FAT3: variants seen among roughly 807,000 people sequenced by gnomAD.
FAT3 encodes protocadherin Fat 3.
A neutral mutation model predicts 310.2 loss-of-function variants in FAT3; 95 were observed. The ratio of observed to expected loss-of-function variants is 0.31; its 90% CI spans 0.26 to 0.36. FAT3 has a LOEUF of 0.36. Ranked by LOEUF, FAT3 falls within the 10% of genes least tolerant of loss-of-function variation. The pLI is 1.00. For missense variants in FAT3, 5,408 were observed against 5,715.6 expected, an observed-to-expected ratio of 0.95 and a Z score of 1.74; for synonymous variants, 2,314 against 2,192.9, an observed-to-expected ratio of 1.06 and a Z score of -1.54.
At chr11:92,312,559 C>T (rs1947336633) in intron 1 of FAT3, among the ~76,000 whole-genome samples, 2 of 152,192 alleles carry the variant, frequency 1.3e-5, no homozygotes, top group South Asian at 4.1e-4. Context: ...TAGTAAACAG[C>T]TGTCCTAGAA....
At chr11:92,830,169 C>T (rs1358111272) in intron 13 of FAT3, among the ~76,000 whole-genome samples, 1 of 152,156 alleles carries the variant, frequency 6.6e-6, no homozygotes, top group African/African-American at 2.4e-5. Context: ...AAAGCTGTTA[C>T]AATTTACTTC....
intron 2 of FAT3, among the ~76,000 whole-genome samples, chr11:92,507,982 A>G (rs891003974): frequency 1.2e-4 from 19 of 152,132 alleles, no homozygotes; most frequent in Non-Finnish European, 2.2e-4. Flanking sequence ...GATTTAACCT[A>G]AAAGGATGAA....
chr11:92,425,666 G>A lies in FAT3; in HGVS notation c.3292+70262G>A, dbSNP rs550537337. On this transcript the variant is annotated intron_variant, in intron 2 of 27. Coordinates refer to ENST00000525166, the MANE Select transcript of FAT3 (RefSeq NM_001367949.2). ...TTTTCTGTTCCTGTGTTAGTTTGCC[G>A]AGAATGGTGGTTTCCGACTTTATCT... 3.0e-4 allele frequency among the ~76,000 whole-genome samples: 46 copies of A among 152,168 alleles called. No homozygotes were observed. The South Asian group carries it at 8.7e-3, about 29-fold the overall frequency.
At chr11:92,810,573 A>T (rs1329664518) in intron 13 of FAT3, among the ~76,000 whole-genome samples, 1 of 152,220 alleles carries the variant, frequency 6.6e-6, no homozygotes, top group South Asian at 2.1e-4. Flanking sequence ...ATGTGCTGCC[A>T]GTCCAACGTG....
chr11:92,337,966 T>G (rs1345408322), intron 1 of FAT3, among the ~76,000 whole-genome samples: 2 of 152,228 alleles, frequency 1.3e-5, no homozygotes, highest in Non-Finnish European at 2.9e-5. Flanking sequence ...TTTAGATTTT[T>G]TTTTAAAAAA....
At chr11:92,309,455 C>T (rs1455991533) in intron 1 of FAT3, among the ~76,000 whole-genome samples, 1 of 151,948 alleles carries the variant, frequency 6.6e-6, no homozygotes, top group African/African-American at 2.4e-5. Context: ...GCAGATTCTT[C>T]AGGAGCTTGC....
intron 21 of FAT3, among the ~76,000 whole-genome samples, chr11:92,866,457 G>A (rs1452143057): frequency 6.6e-6 from 1 of 152,154 alleles, no homozygotes; most frequent in African/African-American, 2.4e-5. Context: ...AAAAGGTAAA[G>A]ACCCAAGGAG....
intron 22 of FAT3, 65 bp downstream of exon 22, chr11:92,867,274 G>A (rs1949274417): frequency 7.0e-7 from 1 of 1,438,040 alleles, no homozygotes; most frequent in Non-Finnish European, 9.2e-7. Flanking sequence ...GAACTGCAGG[G>A]GGATCCCTGC....
intron 3 of FAT3, among the ~76,000 whole-genome samples, chr11:92,563,654 T>A (rs495048): frequency 0.39 from 59,267 of 151,728 alleles, 12,288 homozygotes; most frequent in Middle Eastern, 0.53. Context: ...ATTCATACCC[T>A]CAAAGGGAAG....
intron 3 of FAT3, among the ~76,000 whole-genome samples, chr11:92,554,529 A>G (rs11019995): frequency 0.15 from 21,961 of 145,498 alleles, 1,779 homozygotes; most frequent in East Asian, 0.29. Flanking sequence ...TTAACTGTCT[A>G]TTTCAAAGCC....
intron 13 of FAT3, among the ~76,000 whole-genome samples, chr11:92,814,462 A>T (rs1333153020): frequency 1.3e-5 from 2 of 152,190 alleles, no homozygotes. Context: ...TTTTACACCT[A>T]TTTTATGAGT....
chr11:92,866,983 C>G lies in FAT3; in HGVS notation c.11901C>G (p.Ile3967Met), dbSNP rs2136350088. Residue 3967 changes from isoleucine to methionine, a missense_variant, in exon 22 of 28, where the codon ATC (isoleucine) becomes ATG (methionine). Coordinates refer to ENST00000525166, the MANE Select transcript of FAT3 (RefSeq NM_001367949.2). ...GCGCCCTGGTGCAAGCGGATAACAT[C>G]CGCAGCCTGACTGACACGCGGGTCA... ...YFGALVQADN[I>M]RSLTDTRVTQ... 1.2e-6 allele frequency: 2 copies of G among 1,611,574 alleles called. No individual in the cohort carries two copies. The highest frequency in any genetic ancestry group is 1.7e-6 in the Non-Finnish European group (2 of 1,179,006).
intron 4 of FAT3, among the ~76,000 whole-genome samples, chr11:92,723,803 T>C (rs1169769689): frequency 1.3e-5 from 2 of 152,150 alleles, no homozygotes; most frequent in Non-Finnish European, 2.9e-5. Flanking sequence ...ACTTACTCAC[T>C]ATCACGAGAA....
At chr11:92,297,097 G>T (rs1375872758) in intron 1 of FAT3, among the ~76,000 whole-genome samples, 1 of 152,072 alleles carries the variant, frequency 6.6e-6, no homozygotes, top group Non-Finnish European at 1.5e-5. Context: ...AACAACTGAA[G>T]AATTAGATGG....
At chr11:92,236,358 C>T (rs946501459) in intron 1 of FAT3, among the ~76,000 whole-genome samples, 9 of 152,036 alleles carry the variant, frequency 5.9e-5, no homozygotes, top group Non-Finnish European at 1.2e-4. Flanking sequence ...GATAAAAATG[C>T]AAGTCTTGTA....
intron 3 of FAT3, among the ~76,000 whole-genome samples, chr11:92,638,387 C>CT (rs1175159308): frequency 1.3e-5 from 2 of 152,142 alleles, no homozygotes; most frequent in African/African-American, 4.8e-5. Flanking sequence ...ATGAGTTTGC[C>CT]TTAGCTAAGA....
At chr11:92,609,655 A>C (rs2135618746) in intron 3 of FAT3, among the ~76,000 whole-genome samples, 1 of 152,326 alleles carries the variant, frequency 6.6e-6, no homozygotes, top group Non-Finnish European at 1.5e-5. Flanking sequence ...TGAAAGTGAA[A>C]ACCAACAACT....
At chr11:92,778,630 C>T (rs960421902) in intron 7 of FAT3, among the ~76,000 whole-genome samples, 1 of 152,130 alleles carries the variant, frequency 6.6e-6, no homozygotes, top group Non-Finnish European at 1.5e-5. Flanking sequence ...GAGAGAAAGT[C>T]CATAATTTTC....
At chr11:92,263,753 G>A (rs1296885813) in intron 1 of FAT3, among the ~76,000 whole-genome samples, 2 of 151,936 alleles carry the variant, frequency 1.3e-5, no homozygotes, top group African/African-American at 2.4e-5. Context: ...ATTGTATCAT[G>A]TCAGCATTGA....
Sources: gnomAD v4.1 joint callset for allele counts (sites outside exome capture counted in the v4.1 genomes callset) on GRCh38, gnomAD v4.1.1 for gene constraint, MANE v1.5 for transcripts, NCBI Gene and HGNC (gene_info 2026-07-23, HGNC 2026-07-21) for gene names.